SLC35F2: variants seen among roughly 807,000 people sequenced by gnomAD.
SLC35F2 encodes the protein solute carrier family 35 member F2.
A neutral mutation model predicts 38.1 loss-of-function variants in SLC35F2; 25 were observed. That is an observed-to-expected ratio of 0.66 (90% CI 0.48 to 0.92). The LOEUF (loss-of-function observed/expected upper bound fraction) is 0.92. SLC35F2 is among the 40% of genes least tolerant of loss of function. The pLI, the probability that SLC35F2 is intolerant of heterozygous loss-of-function variation, is 0.00. For synonymous variants in SLC35F2, 173 were observed against 181.7 expected (o/e 0.95, Z 0.38); for missense variants, 409 against 452.9 (o/e 0.90, Z 0.88).
rs7941406 is a variant in SLC35F2 at position 107,816,110 on chromosome 11, A to T, written c.111-145T>A. 1.7e-3 allele frequency: 2,276 copies of T among 1,345,244 alleles called. 37 individuals carry two copies. The African/African-American group carries it at 0.031, about 18-fold the overall frequency. 83.3% of individuals were successfully genotyped at this position (1,345,244 alleles called of 1,614,324 possible). On this transcript the variant is annotated intron_variant, in intron 1 of 7. Transcript: ENST00000525815. The stretch of plus-strand genomic sequence containing the variant: ...CAGGTGGTTCTTCATTTCATGAAAT[A>T]AAAATTAAAATGTTAGTTACTGAAG...
chr11:107,818,620 G>A (rs1859620162), intron 1 of SLC35F2, among the ~76,000 whole-genome samples: 1 of 152,076 alleles, frequency 6.6e-6, no homozygotes, highest in Non-Finnish European at 1.5e-5. Context: ...CTGCAATTGT[G>A]GTTTTGATCA....
intron 3 of SLC35F2, among the ~76,000 whole-genome samples, chr11:107,808,574 T>C (rs1565430333): frequency 6.6e-6 from 1 of 152,182 alleles, no homozygotes. Flanking sequence ...TGTTTGGTCT[T>C]GAACAAGACA....
intron 1 of SLC35F2, among the ~76,000 whole-genome samples, chr11:107,841,915 G>C (rs149900790): frequency 5.9e-4 from 90 of 151,530 alleles, no homozygotes; most frequent in Admixed American, 1.4e-3. Context: ...ATACACAAAA[G>C]ATTAGCCGGG....
chr11:107,846,929 C>CAA (rs34711328), intron 1 of SLC35F2, among the ~76,000 whole-genome samples: 53,399 of 136,350 alleles, frequency 0.39, 10,262 homozygotes, highest in Admixed American at 0.5. Context: ...GACTCTGTCT[C>CAA]AAAAAAAAAA....
At chr11:107,821,370 A>G in intron 1 of SLC35F2, 4 of 973,256 alleles carry the variant, frequency 4.1e-6, no homozygotes, top group Non-Finnish European at 4.9e-6. Context: ...ATGGAGATTT[A>G]AAGTTACAGG....
intron 3 of SLC35F2, chr11:107,810,416 C>T: frequency 2.0e-6 from 2 of 984,930 alleles, no homozygotes; most frequent in Non-Finnish European, 2.4e-6. Flanking sequence ...ATCAAAGTTC[C>T]TGGGAATTGT....
intron 1 of SLC35F2, chr11:107,823,181 G>A (rs1859702055): frequency 1.0e-6 from 1 of 985,180 alleles, no homozygotes; most frequent in Non-Finnish European, 1.2e-6. Flanking sequence ...TAGATTCCAA[G>A]TATCAGCCTA....
chr11:107,814,627 A>G (rs1325594056), intron 2 of SLC35F2, among the ~76,000 whole-genome samples: 6 of 152,198 alleles, frequency 3.9e-5, no homozygotes, highest in Admixed American at 3.9e-4. Context: ...AATGCACAAT[A>G]CCAAGAGCGA....
chr11:107,848,666 G>T (rs879783683), intron 1 of SLC35F2, among the ~76,000 whole-genome samples: 1 of 152,222 alleles, frequency 6.6e-6, no homozygotes, highest in Non-Finnish European at 1.5e-5. Flanking sequence ...TGAGAAATAA[G>T]TGTCTTTGGC....
intron 1 of SLC35F2, among the ~76,000 whole-genome samples, chr11:107,850,410 T>G (rs537958633): frequency 6.6e-6 from 1 of 152,202 alleles, no homozygotes; most frequent in African/African-American, 2.4e-5. Flanking sequence ...CGAGAAGACA[T>G]TTGGCAATGT....
chr11:107,846,367 C>T (rs77472793), intron 1 of SLC35F2, among the ~76,000 whole-genome samples: 5,580 of 152,074 alleles, frequency 0.037, 121 homozygotes, highest in Non-Finnish European at 0.052. Flanking sequence ...CATGATACCA[C>T]GATAAAGGTA....
At chr11:107,840,263 C>T (rs1052935098) in intron 1 of SLC35F2, among the ~76,000 whole-genome samples, 3 of 152,134 alleles carry the variant, frequency 2.0e-5, no homozygotes, top group African/African-American at 4.8e-5. Context: ...TGGTAATAAA[C>T]GTGCTGCCAT....
intron 1 of SLC35F2, among the ~76,000 whole-genome samples, chr11:107,857,979 A>G (rs543322376): frequency 2.0e-4 from 30 of 152,324 alleles, no homozygotes; most frequent in African/African-American, 6.3e-4. Context: ...TCTCATTTCC[A>G]GAGTGCAAGT....
intron 1 of SLC35F2, among the ~76,000 whole-genome samples, chr11:107,854,525 A>T (rs1348319963): frequency 6.6e-6 from 1 of 152,180 alleles, no homozygotes; most frequent in Non-Finnish European, 1.5e-5. Context: ...AATATTTTTC[A>T]CTTGAGTTGA....
chr11:107,856,622 G>A (rs1015018742), intron 1 of SLC35F2, among the ~76,000 whole-genome samples: 3 of 152,074 alleles, frequency 2.0e-5, no homozygotes, highest in Admixed American at 6.6e-5. Context: ...GCTTGAACCC[G>A]AAAGGTTGAG....
chr11:107,852,295 TA>T (rs1171524588), intron 1 of SLC35F2, among the ~76,000 whole-genome samples: 1 of 152,172 alleles, frequency 6.6e-6, no homozygotes, highest in African/African-American at 2.4e-5. Context: ...CTCACGCCTG[TA>T]ATCCCAACAC....
rs189393639 is a variant in SLC35F2 at position 107,838,731 on chromosome 11, C to T, written c.110+19927G>A. Among the ~76,000 whole-genome samples, 314 of 150,560 alleles carry T rather than the reference C, an allele frequency of 2.1e-3. 1 individual carries two copies. Among genetic ancestry groups the T allele is most frequent in the African/African-American group, 7.1e-3 (289 of 40,806 alleles). On this transcript the variant is annotated intron_variant, in intron 1 of 7. Coordinates refer to ENST00000525815, the MANE Select transcript of SLC35F2 (RefSeq NM_017515.5). The stretch of plus-strand genomic sequence containing the variant: ...GCAACCTCTGCCTCCTGGGTTCAAG[C>T]GATTCTCCTGCCTCAGCCTCCCAAG...
rs749851307 is a variant in SLC35F2, at chr11:107,815,807, A to G, written c.269T>C (p.Met90Thr). 1 of 1,610,502 alleles carries G rather than the reference A, an allele frequency of 6.2e-7. No individual in the cohort carries two copies. The highest frequency in any genetic ancestry group is 2.2e-5 in the East Asian group (1 of 44,822). Residue 90 changes from methionine (M) to threonine (T), a missense_variant, in exon 2 of 8, where the codon ATG (methionine) becomes ACG (threonine). Transcript: ENST00000525815. ...TGACATACCTGATCGAAATGCCAGC[A>G]TCACTGTATAAATTAGGAACAGCAA... is the stretch of plus-strand genomic sequence containing the variant. ...YCLLFLIYTV[M>T]LAFRSGSDNL...
intron 3 of SLC35F2, chr11:107,810,602 T>G: frequency 8.1e-6 from 8 of 985,382 alleles, no homozygotes; most frequent in Non-Finnish European, 6.0e-6. Flanking sequence ...AACTTTAGGT[T>G]CTTTTTGTGC....
Sources: gnomAD v4.1 joint callset for allele counts (sites outside exome capture counted in the v4.1 genomes callset) on GRCh38, gnomAD v4.1.1 for gene constraint, MANE v1.5 for transcripts, NCBI Gene and HGNC (gene_info 2026-07-23, HGNC 2026-07-21) for gene names.